DBF4: variants seen among roughly 807,000 people sequenced by gnomAD.
The protein encoded by DBF4 is protein DBF4 homolog A.
A neutral mutation model predicts 76.6 loss-of-function variants in DBF4; 25 were observed. The ratio of observed to expected loss-of-function variants is 0.33; its 90% confidence interval spans 0.24 to 0.46. The LOEUF is 0.46. DBF4 is among the 20% of genes least tolerant of loss of function. The pLI is 1.00. For synonymous variants in DBF4, 213 were observed against 258.0 expected, an observed-to-expected ratio of 0.83 and a Z score of 1.67; for missense variants, 638 against 760.8, an observed-to-expected ratio of 0.84 and a Z score of 1.90.
At chr7:87,881,725 G>A (rs931171913) in intron 2 of DBF4, among the ~76,000 whole-genome samples, 9 of 152,140 alleles carry the variant, frequency 5.9e-5, no homozygotes, top group Non-Finnish European at 1.2e-4. Context: ...GGTATTCTTT[G>A]TCTAGTGGAA....
chr7:87,900,596 T>C (rs2131071183), intron 9 of DBF4, among the ~76,000 whole-genome samples, 168 bp from the exon 10 acceptor site: 1 of 152,196 alleles, frequency 6.6e-6, no homozygotes, highest in South Asian at 2.1e-4. Context: ...ATTCATTAAA[T>C]CTTTAGTTTG....
chr7:87,882,653 C>T (rs1001650175), intron 2 of DBF4, among the ~76,000 whole-genome samples: 1 of 152,012 alleles, frequency 6.6e-6, no homozygotes, highest in Non-Finnish European at 1.5e-5. Flanking sequence ...TAAAAATGGG[C>T]AGAGGAACTG....
At chr7:87,887,303 CA>C (rs1839381220) in intron 4 of DBF4, 25 bp from the exon 5 acceptor site, 1 of 1,432,372 alleles carries the variant, frequency 7.0e-7, no homozygotes, top group Non-Finnish European at 9.5e-7. Context: ...TTTCCTAGAA[CA>C]ACCATAAAAC....
In DBF4 at chr7:87,900,303, G is replaced by A. The variant is rs1237261569; in HGVS notation, c.763G>A (p.Val255Ile). ...SIQKPCSPFD[V>I]DKPSSMQKQT... The stretch of plus-strand genomic sequence containing the variant: ...TCAGAAGCCCTGCAGTCCATTTGAT[G>A]TAGACAAGCCATCTAGTATGCAAAA... Residue 255 changes from valine (V) to isoleucine (I), a missense_variant, in exon 9 of 12, where the codon GTA becomes ATA. Coordinates refer to ENST00000265728, the MANE Select transcript of DBF4 (RefSeq NM_006716.4). The A allele has an allele frequency of 1.9e-6, 3 of 1,602,644 alleles. No individual in the cohort carries two copies. The highest frequency in any genetic ancestry group is 2.5e-6 in the Non-Finnish European group (3 of 1,177,032).
chr7:87,907,756 C>T lies in DBF4; in HGVS notation c.1618C>T (p.Gln540Ter). The change falls in exon 12 of 12, where the codon CAA (glutamine) becomes TAA (stop). Residue 540 changes from glutamine to a stop codon, truncating the protein, a stop_gained. Transcript: ENST00000265728. LOFTEE classifies it high-confidence loss of function. ...DSGLITINSS[Q>*]EHLTVQAKAP... ...TGGTCTGATAACAATAAACAGTTCA[C>T]AAGAGCACCTAACTGTTCAGGCAAA... is the stretch of plus-strand genomic sequence containing the variant. 3 of 1,614,100 alleles carry T rather than the reference C, an allele frequency of 1.9e-6. No homozygotes were observed. Among genetic ancestry groups the T allele is most frequent in the Non-Finnish European group, 2.5e-6 (3 of 1,179,980 alleles).
chr7:87,896,446 A>G (rs771824506), intron 6 of DBF4, 28 bp from the exon 7 acceptor site: 3 of 1,602,730 alleles, frequency 1.9e-6, no homozygotes, highest in South Asian at 2.2e-5. Flanking sequence ...TTTCAAAGCC[A>G]ATCTTTTCAC....
At chr7:87,894,264 T>A (rs1403632149) in intron 6 of DBF4, among the ~76,000 whole-genome samples, 4 of 152,176 alleles carry the variant, frequency 2.6e-5, no homozygotes, top group Non-Finnish European at 5.9e-5. Context: ...GAGACCAGCC[T>A]GGGCAACATG....
At chr7:87,901,001 AT>A (rs1839770468) in intron 10 of DBF4, 123 bp downstream of exon 10, 17 of 783,502 alleles carry the variant, frequency 2.2e-5, no homozygotes, top group Non-Finnish European at 3.3e-5. Context: ...GGAAATGAGT[AT>A]TGAAAATGAA....
chr7:87,900,670 A>G, intron 9 of DBF4, 94 bp from the exon 10 acceptor site: 1 of 1,019,066 alleles, frequency 9.8e-7, no homozygotes, highest in South Asian at 1.6e-5. Flanking sequence ...TCTGCAAATT[A>G]TGCAGATTGT....
At chr7:87,891,535 A>G (rs1839490694) in intron 6 of DBF4, among the ~76,000 whole-genome samples, 1 of 152,070 alleles carries the variant, frequency 6.6e-6, no homozygotes, top group East Asian at 1.9e-4. Flanking sequence ...GAATTTGTCC[A>G]TTGTGTCTTG....
rs372758456 is a variant in DBF4 at position 87,878,173 on chromosome 7, C to T, written c.167C>T (p.Pro56Leu). 1.9e-6 allele frequency: 3 copies of T among 1,613,110 alleles called. No individual in the cohort carries two copies. The highest frequency in any genetic ancestry group is 2.5e-6 in the Non-Finnish European group (3 of 1,179,660). Residue 56 changes from proline to leucine, a missense_variant, in exon 2 of 12, where the codon CCT becomes CTT. Pro to Leu is a moderately conservative substitution (Grantham distance 98). Transcript: ENST00000265728. The stretch of plus-strand genomic sequence containing the variant: ...GGAAAAGTATTTTACCTTGACTTAC[C>T]TTCTGTCACCATATCTGAAAAACTT... ...LWGKVFYLDL[P>L]SVTISEKLQK...
chr7:87,895,695 G>C (rs1584365400), intron 6 of DBF4, among the ~76,000 whole-genome samples: 1 of 152,266 alleles, frequency 6.6e-6, no homozygotes, highest in East Asian at 1.9e-4. Context: ...TCTCTAACTT[G>C]CTCTTTTCAT....
chr7:87,904,475 C>T (rs1001590425), intron 11 of DBF4, 59 bp downstream of exon 11: 6 of 1,540,416 alleles, frequency 3.9e-6, no homozygotes, highest in Non-Finnish European at 5.3e-6. Context: ...GGTGGTGGCT[C>T]ATGCCTGTAA....
At chr7:87,893,032 G>A (rs1839532309) in intron 6 of DBF4, among the ~76,000 whole-genome samples, 2 of 152,132 alleles carry the variant, frequency 1.3e-5, no homozygotes, top group Admixed American at 6.5e-5. Context: ...AAGTCAGTTA[G>A]ATCAACTTGA....
chr7:87,879,617 C>T (rs1045144562), intron 2 of DBF4, among the ~76,000 whole-genome samples: 1 of 152,124 alleles, frequency 6.6e-6, no homozygotes, highest in Non-Finnish European at 1.5e-5. Flanking sequence ...ATTCCCACAG[C>T]AACATAGTAC....
chr7:87,879,656 A>G (rs374400678), intron 2 of DBF4, among the ~76,000 whole-genome samples: 3 of 152,150 alleles, frequency 2.0e-5, no homozygotes, highest in African/African-American at 2.4e-5. Flanking sequence ...CTAGCAATCA[A>G]TGGCTACAAA....
chr7:87,884,714 G>A (rs1839300529), intron 2 of DBF4, among the ~76,000 whole-genome samples: 1 of 152,110 alleles, frequency 6.6e-6, no homozygotes, highest in African/African-American at 2.4e-5. Flanking sequence ...ACCAATTTAC[G>A]AAATAATTGC....
intron 6 of DBF4, among the ~76,000 whole-genome samples, chr7:87,889,977 C>G (rs1482424029): frequency 6.6e-6 from 1 of 152,146 alleles, no homozygotes; most frequent in Non-Finnish European, 1.5e-5. Context: ...CTCTACCACA[C>G]TTAGCAGATT....
chr7:87,901,359 T>A (rs1839784510), intron 10 of DBF4, among the ~76,000 whole-genome samples: 2 of 152,156 alleles, frequency 1.3e-5, no homozygotes, highest in Non-Finnish European at 2.9e-5. Context: ...GGTCCCAATT[T>A]AAAATGATTG....
Sources: allele counts gnomAD v4.1 joint callset (sites outside exome capture counted in the v4.1 genomes callset), GRCh38; gene constraint gnomAD v4.1.1; transcripts MANE v1.5; gene names NCBI Gene and HGNC (gene_info 2026-07-23, HGNC 2026-07-21).